Variants in COL14A1 observed in about 807,000 individuals in gnomAD.
COL14A1 encodes the protein collagen type XIV alpha 1 chain, also known as collagen alpha-1(XIV) chain.
A neutral mutation model predicts 230.3 loss-of-function variants in COL14A1; 136 were observed. That is an observed-to-expected ratio of 0.59 (90% CI 0.51 to 0.68). The LOEUF (loss-of-function observed/expected upper bound fraction) is 0.68. Ranked by LOEUF, COL14A1 falls within the 30% of genes least tolerant of loss-of-function variation. COL14A1 has a pLI of 0.00. For missense variants in COL14A1, 1,976 were observed against 2,215.8 expected (o/e 0.89, Z 2.17); for synonymous variants, 792 against 784.1 (o/e 1.01, Z -0.17).
intron 1 of COL14A1, among the ~76,000 whole-genome samples, chr8:120,136,756 G>C (rs182486993): frequency 2.2e-3 from 340 of 152,006 alleles, no homozygotes; most frequent in African/African-American, 7.9e-3. Context: ...TTGAGGCCAG[G>C]TGTTCGAGAC....
intron 10 of COL14A1, among the ~76,000 whole-genome samples, chr8:120,207,578 G>T (rs903234146): frequency 2.0e-5 from 3 of 152,130 alleles, no homozygotes; most frequent in Admixed American, 2.0e-4. Context: ...AAGCCGCTAT[G>T]GCTGGCATAT....
intron 34 of COL14A1, among the ~76,000 whole-genome samples, chr8:120,293,719 T>C (rs1218128642): frequency 2.0e-5 from 3 of 151,872 alleles, no homozygotes; most frequent in Non-Finnish European, 3.0e-5. Flanking sequence ...GTTTGGTTTG[T>C]ACTAGAGACT....
At chr8:120,322,013 T>C (rs879837348) in intron 40 of COL14A1, among the ~76,000 whole-genome samples, 1 of 152,204 alleles carries the variant, frequency 6.6e-6, no homozygotes, top group Admixed American at 6.5e-5. Context: ...GCTGGCATTT[T>C]TTTTTGTTTT....
At chr8:120,363,262 T>A (rs1449892999) in intron 45 of COL14A1, among the ~76,000 whole-genome samples, 1 of 152,128 alleles carries the variant, frequency 6.6e-6, no homozygotes, top group African/African-American at 2.4e-5. Context: ...AGGAATGAGA[T>A]CATGTACTTT....
chr8:120,298,639 A>ATATATATAT (rs1820610421), intron 35 of COL14A1, among the ~76,000 whole-genome samples: 1 of 117,430 alleles, frequency 8.5e-6, no homozygotes, highest in Admixed American at 8.4e-5. Context: ...ATATATATAT[A>ATATATATAT]CAAAAATACA....
At position 120,289,652 on chromosome 8, in the gene COL14A1, C is replaced by T; in HGVS notation, c.4122C>T (p.Asp1374=). The change falls in exon 34 of 48, where the codon GAC becomes GAT. Residue 1374 remains aspartate, a synonymous_variant. Coordinates refer to ENST00000297848, the MANE Select transcript of COL14A1 (RefSeq NM_021110.4). The stretch of plus-strand genomic sequence containing the variant: ...AGACTTTGGTCAAAGTGGTTATTGA[C>T]TGCAAGCAAGTGGGTGAGAAGGCAA... ...VSETLVKVVI[D]CKQVGEKAMN... The T allele has an allele frequency of 6.2e-7, 1 of 1,614,048 alleles. No homozygotes were observed. Among genetic ancestry groups the T allele is most frequent in the Non-Finnish European group, 8.5e-7 (1 of 1,179,960 alleles).
chr8:120,304,246 G>A (rs1281400181), intron 36 of COL14A1, among the ~76,000 whole-genome samples: 1 of 151,996 alleles, frequency 6.6e-6, no homozygotes, highest in Admixed American at 6.6e-5. Flanking sequence ...ATTTCCTTCA[G>A]TTCAGCCCTG....
intron 20 of COL14A1, among the ~76,000 whole-genome samples, chr8:120,244,992 T>C (rs1010830): frequency 6.6e-6 from 1 of 151,908 alleles, no homozygotes; most frequent in Non-Finnish European, 1.5e-5. Flanking sequence ...CATTTCCCCA[T>C]TCATACCTCC....
At chr8:120,192,742 T>C (rs1306778184) in intron 5 of COL14A1, among the ~76,000 whole-genome samples, 1 of 152,160 alleles carries the variant, frequency 6.6e-6, no homozygotes, top group Non-Finnish European at 1.5e-5. Flanking sequence ...GCTTTGTTCA[T>C]TTCTTTTTAT....
At chr8:120,369,836 G>GTGA in intron 47 of COL14A1, among the ~76,000 whole-genome samples, 1 of 152,286 alleles carries the variant, frequency 6.6e-6, no homozygotes, top group Non-Finnish European at 1.5e-5. Flanking sequence ...TGTGACAGCT[G>GTGA]TGATGTGGCC....
intron 37 of COL14A1, among the ~76,000 whole-genome samples, chr8:120,311,525 A>C (rs1353938815): frequency 6.6e-6 from 1 of 152,184 alleles, no homozygotes; most frequent in Admixed American, 6.5e-5. Flanking sequence ...TGAATCACAG[A>C]TCCAAGTGAG....
intron 42 of COL14A1, among the ~76,000 whole-genome samples, chr8:120,336,111 C>A (rs1822063217): frequency 6.6e-6 from 1 of 152,050 alleles, no homozygotes; most frequent in African/African-American, 2.4e-5. Context: ...GTGAGGGATA[C>A]AAAAGATCTC....
At chr8:120,301,284 C>T (rs1483817275) in intron 36 of COL14A1, among the ~76,000 whole-genome samples, 2 of 151,992 alleles carry the variant, frequency 1.3e-5, no homozygotes, top group Non-Finnish European at 2.9e-5. Flanking sequence ...ATTTGTTGTA[C>T]AGATTATTTC....
rs1820684080 is a variant in COL14A1 at position 120,300,718 on chromosome 8, TTG to T, written c.4315-12_4315-11del. 6.2e-7 allele frequency: 1 copy of T among 1,607,184 alleles called. No individual in the cohort carries two copies. The highest frequency in any genetic ancestry group is 8.5e-7 in the Non-Finnish European group (1 of 1,176,158). ...TGGCATGCTAATGGTTGTGCTTTTT[TTG>T]TTTCTTTTCAGAGAGATGATGAGTC... On this transcript the variant is annotated splice_polypyrimidine_tract_variant and intron_variant, in intron 35 of 47. Coordinates refer to ENST00000297848, the MANE Select transcript of COL14A1 (RefSeq NM_021110.4).
intron 5 of COL14A1, among the ~76,000 whole-genome samples, chr8:120,193,011 G>C (rs1322317265): frequency 6.6e-6 from 1 of 152,088 alleles, no homozygotes; most frequent in Non-Finnish European, 1.5e-5. Flanking sequence ...GTAGCTCGGA[G>C]TAATTTGATC....
In COL14A1 at chr8:120,147,834, G is replaced by A. The variant is rs1405801118; in HGVS notation, c.-9G>A. The A allele has an allele frequency of 5.6e-6, 9 of 1,611,272 alleles. No homozygotes were observed. The highest frequency in any genetic ancestry group is 2.5e-6 in the Non-Finnish European group (3 of 1,178,856). On this transcript the variant is annotated 5_prime_UTR_variant, in exon 2 of 48. Coordinates refer to ENST00000297848, the MANE Select transcript of COL14A1 (RefSeq NM_021110.4). ...GCTGCTACACCCCATGTAAAAAGCG[G>A]AAAATAAAATGAAGATTTTCCAGCG...
chr8:120,353,833 C>T (rs987671497), intron 45 of COL14A1, among the ~76,000 whole-genome samples: 15 of 151,858 alleles, frequency 9.9e-5, no homozygotes, highest in African/African-American at 2.2e-4. Context: ...TTCGGTGTGG[C>T]GATTCCTCAG....
intron 26 of COL14A1, among the ~76,000 whole-genome samples, chr8:120,277,177 C>A (rs896505904): frequency 1.9e-4 from 29 of 152,200 alleles, no homozygotes; most frequent in African/African-American, 7.0e-4. Context: ...CTAGAATAGA[C>A]CTAACTTCAA....
At chr8:120,210,428 A>G (rs1020418567) in intron 12 of COL14A1, among the ~76,000 whole-genome samples, 2 of 152,230 alleles carry the variant, frequency 1.3e-5, no homozygotes, top group Non-Finnish European at 2.9e-5. Flanking sequence ...ATGGCTCTAG[A>G]GAAATGTTAT....
Sources: gnomAD v4.1 joint callset for allele counts (sites outside exome capture counted in the v4.1 genomes callset) on GRCh38, gnomAD v4.1.1 for gene constraint, MANE v1.5 for transcripts, NCBI Gene and HGNC (gene_info 2026-07-23, HGNC 2026-07-21) for gene names.